The following ISLR2 variants were observed in gnomAD, a reference collection of about 807,000 sequenced individuals.
ISLR2 encodes immunoglobulin superfamily containing leucine rich repeat 2, also known as immunoglobulin superfamily containing leucine-rich repeat protein 2.
A neutral mutation model predicts 25.5 loss-of-function variants in ISLR2; 16 were observed. The observed-to-expected ratio is 0.63, with a 90% CI of 0.43 to 0.95. The LOEUF (loss-of-function observed/expected upper bound fraction) is 0.95, where lower values mean the gene tolerates loss of function less well. ISLR2 is among the 40% of genes least tolerant of loss of function. The pLI is 0.00. For missense variants in ISLR2, 883 were observed against 1,030.7 expected, an observed-to-expected ratio of 0.86 and a Z score of 1.96; for synonymous variants, 508 against 486.6, an observed-to-expected ratio of 1.04 and a Z score of -0.58.
intron 1 of ISLR2, among the ~76,000 whole-genome samples, chr15:74,130,840 T>C (rs1387863831): frequency 1.4e-5 from 2 of 147,288 alleles, no homozygotes; most frequent in African/African-American, 2.5e-5. Flanking sequence ...GTGGGGGAGG[T>C]GGTGTGATCA....
In ISLR2 at chr15:74,135,496, T is replaced by TTTTA. The variant is rs370363634; in HGVS notation, c.*524_*527dup. 15 of 166,472 alleles carry TTTTA rather than the reference T, an allele frequency of 9.0e-5. No individual in the cohort carries two copies. Among genetic ancestry groups the TTTTA allele is most frequent in the Admixed American group, 1.3e-4 (2 of 15,278 alleles). 10.3% of individuals were successfully genotyped at this position (166,472 alleles called of 1,614,324 possible). On this transcript the variant is annotated 3_prime_UTR_variant, in exon 3 of 3. Coordinates refer to ENST00000453268, the MANE Select transcript of ISLR2 (RefSeq NM_020851.3). ...TCTTTCCTTTTTTTTTATTTTTTAA[T>TTTTA]TTTATTTATTTATTTATTTATTTTT...
rs960054633 is a variant in ISLR2, at chr15:74,133,373, G to T, written c.619G>T (p.Asp207Tyr). 1.2e-6 allele frequency: 2 copies of T among 1,607,832 alleles called. No individual in the cohort carries two copies. Among genetic ancestry groups the T allele is most frequent in the Non-Finnish European group, 1.7e-6 (2 of 1,179,824 alleles). Reference protein sequence around the residue: ...ASTRVSLPEPDSIACASPPAL... With the variant: ...ASTRVSLPEPYSIACASPPAL... ...CACCCGGGTGTCCTTACCCGAGCCC[G>T]ACTCCATTGCTTGTGCCTCGCCTCC... Residue 207 changes from aspartate (D) to tyrosine (Y), a missense_variant, in exon 3 of 3, where the codon GAC becomes TAC. By Grantham distance (160) the Asp-to-Tyr change is radical. Around this residue, in one of 2 missense-constraint regions of ISLR2, gnomAD observed 271 missense variants for 387.9 expected, o/e 0.70. Coordinates refer to ENST00000453268, the MANE Select transcript of ISLR2 (RefSeq NM_020851.3).
intron 2 of ISLR2, among the ~76,000 whole-genome samples, chr15:74,107,488 C>T (rs1332994169): frequency 2.6e-5 from 4 of 152,140 alleles, no homozygotes; most frequent in Non-Finnish European, 5.9e-5. Flanking sequence ...GTCCCCCAGC[C>T]AGAGGGCAGG....
Position 74,134,008 on chromosome 15 carries a change from A to G in ISLR2, c.1254A>G (p.Lys418=). ...CTTCCAAACCCGAGGGCAAAATCAA[A>G]GGCCAAGGCCTGGCCAAGGTCAGCA... ...VLPSKPEGKI[K]GQGLAKVSIL... Residue 418 remains lysine, a synonymous_variant, in exon 3 of 3, where the codon AAA becomes AAG. Transcript: ENST00000453268. 1 of 1,612,878 alleles carries G rather than the reference A, an allele frequency of 6.2e-7. No homozygotes were observed. The highest frequency in any genetic ancestry group is 1.3e-5 in the African/African-American group (1 of 75,018).
intron 2 of ISLR2, among the ~76,000 whole-genome samples, chr15:74,113,256 C>T (rs920823414): frequency 7.9e-5 from 12 of 152,328 alleles, no homozygotes; most frequent in African/African-American, 2.9e-4. Context: ...TACCAGGTCA[C>T]CGACGGGTAC....
chr15:74,122,857 G>C (rs1433493262), intron 2 of ISLR2, among the ~76,000 whole-genome samples: 3 of 152,150 alleles, frequency 2.0e-5, no homozygotes, highest in African/African-American at 7.2e-5. Flanking sequence ...GGGGATGGAG[G>C]AGGAGGAGGA....
At chr15:74,130,487 C>CA (rs899837747), upstream of ISLR2, 2 of 152,704 alleles carry the variant, frequency 1.3e-5, no homozygotes, top group African/African-American at 2.4e-5. Flanking sequence ...GCCTTCCCCC[C>CA]CCACTTCAGC....
At position 74,133,921 on chromosome 15, in the gene ISLR2, C is replaced by A; in HGVS notation, c.1167C>A (p.Asp389Glu). 1 of 1,603,578 alleles carries A rather than the reference C, an allele frequency of 6.2e-7. No individual in the cohort carries two copies. The highest frequency in any genetic ancestry group is 8.5e-7 in the Non-Finnish European group (1 of 1,175,292). ...CGCCTGGCGCCGGGGGAGAACCCGA[C>A]GGACAGGCCCCGACCTCTGAGCGCA... The part of the protein sequence containing the change: ...KHAPGAGGEP[D>E]GQAPTSERKS... The change falls in exon 3 of 3, where the codon GAC (aspartate) becomes GAA (glutamate). Residue 389 changes from aspartate (D) to glutamate (E), a missense_variant. Physicochemically the swap from Asp to Glu is conservative, Grantham distance 45 (BLOSUM62 2). Coordinates refer to ENST00000453268, the MANE Select transcript of ISLR2 (RefSeq NM_020851.3).
In ISLR2 at chr15:74,134,949, T is replaced by A; in HGVS notation, c.2195T>A (p.Ile732Asn). The stretch of plus-strand genomic sequence containing the variant: ...CCCCTGGGCGCCGAGGCGGTCAACA[T>A]CGCCCAGGAGATTAATGGCAACTAC... The part of the protein sequence containing the change: ...RLPLGAEAVN[I>N]AQEINGNYRQ... Residue 732 changes from isoleucine (I) to asparagine (N), a missense_variant, in exon 3 of 3, where the codon ATC (isoleucine) becomes AAC (asparagine). Coordinates refer to ENST00000453268, the MANE Select transcript of ISLR2 (RefSeq NM_020851.3). 6.2e-7 allele frequency: 1 copy of A among 1,613,830 alleles called. No homozygotes were observed. The highest frequency in any genetic ancestry group is 8.5e-7 in the Non-Finnish European group (1 of 1,180,012).
intron 2 of ISLR2, among the ~76,000 whole-genome samples, chr15:74,109,249 A>G (rs552052281): frequency 0.03 from 4,621 of 152,008 alleles, 76 homozygotes; most frequent in Middle Eastern, 0.065. Flanking sequence ...TCAGCAGTGA[A>G]TAGAGGCAGG....
Position 74,134,076 on chromosome 15 carries a change from A to AG in ISLR2, c.1325dup (p.Glu443ArgfsTer28). On this transcript the variant is annotated frameshift_variant, in exon 3 of 3. Transcript: ENST00000453268. LOFTEE classifies it high-confidence loss of function. ...ACGGAGCCGGAGGAGGACACAAGTG[A>AG]GGGAGAGGAGGCCGAAGACCAGATC... The AG allele has an allele frequency of 1.2e-6, 2 of 1,613,662 alleles. No individual in the cohort carries two copies. The highest frequency in any genetic ancestry group is 1.7e-6 in the Non-Finnish European group (2 of 1,179,854).
At chr15:74,129,243 C>T, upstream of ISLR2, 1 of 354,510 alleles carries the variant, frequency 2.8e-6, no homozygotes, top group Non-Finnish European at 5.6e-6. This position sits in a 1 kb window ranked among gnomAD's most constrained non-coding sequence, Gnocchi z 4.5. Flanking sequence ...GGAGTGTGAG[C>T]GCACCAGTCT....
At chr15:74,114,482 G>A (rs142075031) in intron 2 of ISLR2, among the ~76,000 whole-genome samples, 91 of 152,230 alleles carry the variant, frequency 6.0e-4, no homozygotes, top group African/African-American at 2.1e-3. Context: ...TTTAGGCCGG[G>A]TGCAGTGGCT....
At position 74,134,709 on chromosome 15, in the gene ISLR2, T is replaced by A; in HGVS notation, c.1955T>A (p.Leu652His). 1 of 1,613,948 alleles carries A rather than the reference T, an allele frequency of 6.2e-7. No homozygotes were observed. Among genetic ancestry groups the A allele is most frequent in the Non-Finnish European group, 8.5e-7 (1 of 1,179,966 alleles). ...AADFDPRASY[L>H]ESEKSYPAGG... Reference sequence around the variant, plus strand: ...GACTTCGACCCGCGTGCTTCGTACCTCGAGTCCGAGAAAAGCTACCCGGCA... The same window carrying A: ...GACTTCGACCCGCGTGCTTCGTACCACGAGTCCGAGAAAAGCTACCCGGCA... The change falls in exon 3 of 3, where the codon CTC becomes CAC. Residue 652 changes from leucine (L) to histidine (H), a missense_variant. Physicochemically the swap from Leu to His is moderately conservative, Grantham distance 99 (BLOSUM62 -3). Coordinates refer to ENST00000453268, the MANE Select transcript of ISLR2 (RefSeq NM_020851.3).
upstream of ISLR2, chr15:74,128,835 G>A: frequency 2.5e-6 from 1 of 399,266 alleles, no homozygotes; most frequent in Non-Finnish European, 4.9e-6. Flanking sequence ...CCCAACACCC[G>A]GACAACTGCC....
In ISLR2 at chr15:74,134,798, G is replaced by T; in HGVS notation, c.2044G>T (p.Glu682Ter). Residue 682 changes from glutamate (E) to a stop codon, truncating the protein, a stop_gained, in exon 3 of 3, where the codon GAG (glutamate) becomes TAG (stop). Coordinates refer to ENST00000453268, the MANE Select transcript of ISLR2 (RefSeq NM_020851.3). LOFTEE classifies it high-confidence loss of function. ...VQGEGLDEDA[E>*]QGDPSGDLQR... ...GGGGGAGGGCCTTGATGAAGACGCG[G>T]AGCAGGGAGACCCAAGTGGGGACCT... 6.2e-7 allele frequency: 1 copy of T among 1,614,062 alleles called. No homozygotes were observed. The highest frequency in any genetic ancestry group is 8.5e-7 in the Non-Finnish European group (1 of 1,179,982).
intron 2 of ISLR2, among the ~76,000 whole-genome samples, chr15:74,119,935 A>G (rs1462822877): frequency 6.6e-6 from 1 of 152,204 alleles, no homozygotes; most frequent in Non-Finnish European, 1.5e-5. Context: ...CCCAAAGCCA[A>G]GCGTTTTCTA....
chr15:74,108,987 G>T (rs772602630), intron 2 of ISLR2, among the ~76,000 whole-genome samples: 1 of 152,218 alleles, frequency 6.6e-6, no homozygotes, highest in Non-Finnish European at 1.5e-5. Flanking sequence ...ACAATAGGCC[G>T]TGGCTGGATC....
chr15:74,114,904 C>A (rs2141932489), intron 2 of ISLR2, among the ~76,000 whole-genome samples: 1 of 152,122 alleles, frequency 6.6e-6, no homozygotes, highest in South Asian at 2.1e-4. Flanking sequence ...AGACAGAGAT[C>A]AGAGCTTGGG....
Sources: allele counts gnomAD v4.1 joint callset (sites outside exome capture counted in the v4.1 genomes callset), GRCh38; gene constraint gnomAD v4.1.1; regional missense constraint gnomAD v4.1.1; non-coding constraint Gnocchi (gnomAD v3.1); transcripts MANE v1.5; gene names NCBI Gene and HGNC (gene_info 2026-07-23, HGNC 2026-07-21).